The following KCNK2 variants were observed in gnomAD, a reference collection of about 807,000 sequenced individuals.
The protein encoded by KCNK2 is potassium two pore domain channel subfamily K member 2, also known as potassium channel subfamily K member 2.
Under a neutral mutation model 40.5 loss-of-function variants are expected in KCNK2, and 21 were observed. The ratio of observed to expected loss-of-function variants is 0.52; its 90% CI spans 0.37 to 0.75. KCNK2 has a LOEUF of 0.75. Ranked by LOEUF, KCNK2 falls within the 30% of genes least tolerant of loss-of-function variation. The pLI is 0.00. For synonymous variants in KCNK2, 191 were observed against 202.2 expected, an observed-to-expected ratio of 0.94 and a Z score of 0.47; for missense variants, 399 against 531.6, an observed-to-expected ratio of 0.75 and a Z score of 2.45.
intron 5 of KCNK2, among the ~76,000 whole-genome samples, chr1:215,185,937 A>G (rs943288764): frequency 1.3e-5 from 2 of 152,214 alleles, no homozygotes; most frequent in African/African-American, 4.8e-5. Context: ...GAAAAGAAGT[A>G]TATTTTGGAA....
chr1:215,172,042 A>G lies in KCNK2; in HGVS notation c.682A>G (p.Ile228Val). ...QTKIRIISTI[I>V]FILFGCVLFV... ...CAAGATTCGCATCATCTCAACAATCATATTTATACTATTTGGCTGTGTACT... is the reference window on the plus strand; with the variant it reads ...CAAGATTCGCATCATCTCAACAATCGTATTTATACTATTTGGCTGTGTACT... The change falls in exon 5 of 7, where the codon ATA becomes GTA. Residue 228 changes from isoleucine (I) to valine (V), a missense_variant. This residue lies in a region of KCNK2 where 279 missense variants were observed against 353.8 expected (regional missense o/e 0.79). Transcript: ENST00000444842. 1 of 1,613,200 alleles carries G rather than the reference A, an allele frequency of 6.2e-7. No individual in the cohort carries two copies. Among genetic ancestry groups the G allele is most frequent in the Admixed American group, 1.7e-5 (1 of 59,860 alleles).
At chr1:215,161,055 A>G (rs1470298798) in intron 3 of KCNK2, among the ~76,000 whole-genome samples, 2 of 152,122 alleles carry the variant, frequency 1.3e-5, no homozygotes, top group Admixed American at 1.3e-4. Context: ...TGGACTTGAC[A>G]CTTCTTTATT....
At chr1:215,060,825 T>C (rs892886984) in intron 1 of KCNK2, among the ~76,000 whole-genome samples, 1 of 152,124 alleles carries the variant, frequency 6.6e-6, no homozygotes, top group South Asian at 2.1e-4. Context: ...TATAAAAATA[T>C]GAAAGAATAA....
chr1:215,103,405 T>C (rs1296414202), intron 2 of KCNK2, among the ~76,000 whole-genome samples: 1 of 152,080 alleles, frequency 6.6e-6, no homozygotes, highest in Non-Finnish European at 1.5e-5. Flanking sequence ...AAATTTATTT[T>C]GTATTAAAAA....
intron 2 of KCNK2, among the ~76,000 whole-genome samples, chr1:215,108,674 G>A (rs1660545527): frequency 6.7e-6 from 1 of 149,184 alleles, no homozygotes; most frequent in African/African-American, 2.5e-5. Context: ...TTTTTTTTTG[G>A]TAAAGGGTTT....
intron 6 of KCNK2, among the ~76,000 whole-genome samples, chr1:215,199,302 C>A (rs1664990025): frequency 6.6e-6 from 1 of 151,648 alleles, no homozygotes; most frequent in Non-Finnish European, 1.5e-5. Flanking sequence ...GAGCAAGACT[C>A]CATCTCCAAA....
At chr1:215,037,443 C>T (rs1657427384) in intron 1 of KCNK2, among the ~76,000 whole-genome samples, 1 of 151,782 alleles carries the variant, frequency 6.6e-6, no homozygotes, top group Non-Finnish European at 1.5e-5. Context: ...ATATTTTGTT[C>T]AGGATTTATA....
intron 2 of KCNK2, among the ~76,000 whole-genome samples, chr1:215,122,740 CTTTTTTTTTT>C (rs564207038): frequency 2.2e-4 from 27 of 120,356 alleles, no homozygotes; most frequent in African/African-American, 7.4e-4. Context: ...CATTCATAAT[CTTTTTTTTTT>C]TTTTTTTTTT....
upstream of KCNK2, among the ~76,000 whole-genome samples, chr1:215,080,850 T>A (rs1413006968): frequency 6.6e-6 from 1 of 152,222 alleles, no homozygotes; most frequent in Non-Finnish European, 1.5e-5. Flanking sequence ...AGTGTTCAGT[T>A]ATTTAATCAA....
At chr1:215,185,221 T>G (rs1664385906) in intron 5 of KCNK2, among the ~76,000 whole-genome samples, 1 of 152,226 alleles carries the variant, frequency 6.6e-6, no homozygotes, top group East Asian at 1.9e-4. Context: ...GTGATTAATA[T>G]GACAGATGCT....
intron 2 of KCNK2, among the ~76,000 whole-genome samples, chr1:215,114,782 C>T (rs1370879757): frequency 6.6e-6 from 1 of 151,988 alleles, no homozygotes; most frequent in African/African-American, 2.4e-5. Flanking sequence ...TTACCTGGAG[C>T]CTAAAAGCAC....
intron 2 of KCNK2, among the ~76,000 whole-genome samples, chr1:215,096,324 CA>C (rs1214969420): frequency 5.3e-5 from 8 of 151,642 alleles, no homozygotes; most frequent in African/African-American, 1.7e-4. Flanking sequence ...GATTTAGTAA[CA>C]TTTTTTTCCT....
intron 1 of KCNK2, among the ~76,000 whole-genome samples, chr1:215,039,224 C>CTTTA (rs1657485277): frequency 6.6e-6 from 1 of 152,076 alleles, no homozygotes; most frequent in South Asian, 2.1e-4. Context: ...CCTGATTGGT[C>CTTTA]TTTAACCTTT....
intron 1 of KCNK2, among the ~76,000 whole-genome samples, chr1:215,043,802 T>C (rs1657648228): frequency 6.6e-6 from 1 of 152,198 alleles, no homozygotes; most frequent in East Asian, 1.9e-4. Flanking sequence ...AATGTTATTG[T>C]TATATATATT....
intron 1 of KCNK2, among the ~76,000 whole-genome samples, chr1:215,016,480 G>C (rs1656590652): frequency 6.6e-6 from 1 of 152,074 alleles, no homozygotes; most frequent in Non-Finnish European, 1.5e-5. Flanking sequence ...ATTTTTGACA[G>C]ATGCCAAGAA....
chr1:215,083,194 T>TCCCCCCCTCCCCC lies in KCNK2; in HGVS notation c.-185_-184insTCCCCCCCCCCCC. ...CCCGCGATTTCGTTTCTTCTCACGC[T>TCCCCCCCTCCCCC]CCCCCCCCCGCCCCCTCCCGCGTCC... On this transcript the variant is annotated 5_prime_UTR_variant, in exon 1 of 7. Coordinates refer to ENST00000444842, the MANE Select transcript of KCNK2 (RefSeq NM_001017425.3). 1.0e-5 allele frequency: 5 copies of TCCCCCCCTCCCCC among 501,812 alleles called. No homozygotes were observed. The highest frequency in any genetic ancestry group is 4.1e-5 in the South Asian group (2 of 49,324). 31.1% of individuals were successfully genotyped at this position (501,812 alleles called of 1,614,324 possible). A position where few individuals can be genotyped will look rare whatever the true frequency, so the allele number is the denominator to read the frequency against.
chr1:215,078,732 T>A (rs1030023728), upstream of KCNK2, among the ~76,000 whole-genome samples: 1 of 152,224 alleles, frequency 6.6e-6, no homozygotes, highest in Non-Finnish European at 1.5e-5. Flanking sequence ...ATAAATGCTG[T>A]CTCACTTTGA....
At chr1:215,188,691 T>C (rs1434689149) in intron 5 of KCNK2, among the ~76,000 whole-genome samples, 1 of 152,136 alleles carries the variant, frequency 6.6e-6, no homozygotes, top group Non-Finnish European at 1.5e-5. Context: ...AGGCCAGGTA[T>C]TAAAATTGCT....
intron 6 of KCNK2, among the ~76,000 whole-genome samples, chr1:215,224,740 G>C (rs1407341976): frequency 6.6e-6 from 1 of 152,150 alleles, no homozygotes; most frequent in Non-Finnish European, 1.5e-5. Flanking sequence ...ACACTCGTGT[G>C]TGTAGTAAAA....
Sources: allele counts gnomAD v4.1 joint callset (sites outside exome capture counted in the v4.1 genomes callset), GRCh38; gene constraint gnomAD v4.1.1; regional missense constraint gnomAD v4.1.1; transcripts MANE v1.5; gene names NCBI Gene and HGNC (gene_info 2026-07-23, HGNC 2026-07-21).